The following HLTF variants were observed in gnomAD, a reference collection of about 807,000 sequenced individuals.
HLTF encodes helicase like transcription factor, also known as DNA-dependent ATPase/E3 ubiquitin-protein ligase HLTF.
A neutral mutation model predicts 129.4 loss-of-function variants in HLTF; 127 were observed. The observed-to-expected ratio is 0.98, with a 90% confidence interval of 0.85 to 1.14. The LOEUF (loss-of-function observed/expected upper bound fraction) is 1.14, where lower values mean the gene tolerates loss of function less well. Ranked by LOEUF, HLTF falls within the 50% of genes most tolerant of loss-of-function variation. HLTF has a pLI of 0.00. For synonymous variants in HLTF, 332 were observed against 388.8 expected (o/e 0.85, Z 1.72); for missense variants, 1,139 against 1,187.1 (o/e 0.96, Z 0.60).
chr3:149,055,199 G>C, intron 14 of HLTF, 104 bp downstream of exon 14: 1 of 719,678 alleles, frequency 1.4e-6, no homozygotes. Context: ...ACGAACTGAT[G>C]ACCAAGTATA....
chr3:149,077,545 G>A (rs1719483388), intron 2 of HLTF, among the ~76,000 whole-genome samples: 1 of 151,876 alleles, frequency 6.6e-6, no homozygotes, highest in Non-Finnish European at 1.5e-5. Context: ...ACCTGAGGCA[G>A]TGGATAACAG....
At chr3:149,064,657 T>C in intron 9 of HLTF, 134 bp downstream of exon 9, 1 of 573,972 alleles carries the variant, frequency 1.7e-6, no homozygotes, top group Non-Finnish European at 3.1e-6. Context: ...AAAGAGATCC[T>C]AAATTTTTGT....
At chr3:149,064,095 A>G (rs1245186933) in intron 9 of HLTF, among the ~76,000 whole-genome samples, 1 of 152,058 alleles carries the variant, frequency 6.6e-6, no homozygotes, top group Non-Finnish European at 1.5e-5. Flanking sequence ...CCACTCATTT[A>G]TCTATACTTT....
chr3:149,075,648 A>C (rs16861399), intron 3 of HLTF, among the ~76,000 whole-genome samples: 2,740 of 152,334 alleles, frequency 0.018, 87 homozygotes, highest in African/African-American at 0.062. Flanking sequence ...ATTTGAACCA[A>C]GGTCTATTTT....
At chr3:149,084,592 T>C (rs1720176304) in intron 2 of HLTF, 90 bp downstream of exon 2, 3 of 908,874 alleles carry the variant, frequency 3.3e-6, no homozygotes, top group East Asian at 2.6e-5. Flanking sequence ...AAAATAAAGA[T>C]TAACCGCACA....
chr3:149,076,083 A>C (rs1394795471), intron 2 of HLTF, 36 bp from the exon 3 acceptor site: 1 of 807,484 alleles, frequency 1.2e-6, no homozygotes, highest in Non-Finnish European at 1.9e-6. Flanking sequence ...ATTACATTAT[A>C]AATAATAGAC....
At chr3:149,076,742 T>C (rs1309705505) in intron 2 of HLTF, among the ~76,000 whole-genome samples, 4 of 152,054 alleles carry the variant, frequency 2.6e-5, no homozygotes, top group Non-Finnish European at 5.9e-5. Context: ...TGAAGGAGGG[T>C]AACACAATAA....
At chr3:149,043,668 C>T (rs1265543929) in intron 18 of HLTF, among the ~76,000 whole-genome samples, 1 of 151,866 alleles carries the variant, frequency 6.6e-6, no homozygotes, top group African/African-American at 2.4e-5. Context: ...TATAACCAGG[C>T]CATCTGATAT....
intron 10 of HLTF, 73 bp from the exon 11 acceptor site, chr3:149,060,931 A>G (rs1161684235): frequency 3.0e-6 from 3 of 994,328 alleles, no homozygotes; most frequent in Non-Finnish European, 4.5e-6. Context: ...CATGTTTAAT[A>G]AATGCAATAA....
At chr3:149,084,596 C>T in intron 2 of HLTF, 86 bp downstream of exon 2, 4 of 931,634 alleles carry the variant, frequency 4.3e-6, no homozygotes, top group East Asian at 2.6e-5. Flanking sequence ...TAAAGATTAA[C>T]CGCACACATC....
intron 14 of HLTF, among the ~76,000 whole-genome samples, chr3:149,054,838 C>T (rs923683848): frequency 6.6e-6 from 1 of 152,120 alleles, no homozygotes; most frequent in African/African-American, 2.4e-5. Flanking sequence ...CCTGGAAAAT[C>T]AGGGTAACAG....
chr3:149,064,271 T>C lies in HLTF; in HGVS notation c.1066+520A>G, dbSNP rs180838374. Reference sequence around the variant, plus strand: ...TTCCAAACTTAAGTAATAGCACCAATTGTTATTTACAATTTTTCACCTACT... The same window carrying C: ...TTCCAAACTTAAGTAATAGCACCAACTGTTATTTACAATTTTTCACCTACT... On this transcript the variant is annotated intron_variant, in intron 9 of 24. Transcript: ENST00000310053. Among the ~76,000 whole-genome samples the C allele has an allele frequency of 2.0e-5, 3 of 152,160 alleles. No individual in the cohort carries two copies. In the South Asian group the frequency reaches 6.2e-4, roughly 32 times the overall value.
At chr3:149,051,374 T>G (rs1245725498) in intron 14 of HLTF, among the ~76,000 whole-genome samples, 1 of 152,026 alleles carries the variant, frequency 6.6e-6, no homozygotes, top group African/African-American at 2.4e-5. Flanking sequence ...TACCTATAGA[T>G]AGAAGTGAGA....
intron 15 of HLTF, 40 bp downstream of exon 15, chr3:149,050,192 T>C (rs772851965): frequency 7.4e-7 from 1 of 1,348,102 alleles, no homozygotes. Context: ...TTTCTTACAT[T>C]CAATCTTTAA....
At chr3:149,058,676 A>C (rs1717675618) in intron 13 of HLTF, among the ~76,000 whole-genome samples, 1 of 152,172 alleles carries the variant, frequency 6.6e-6, no homozygotes, top group African/African-American at 2.4e-5. Context: ...TTTGTGTCTT[A>C]CTAAAGAGAT....
At chr3:149,058,825 TTC>T (rs1717686008) in intron 13 of HLTF, among the ~76,000 whole-genome samples, 1 of 152,212 alleles carries the variant, frequency 6.6e-6, no homozygotes, top group African/African-American at 2.4e-5. Context: ...TTTGAAAATG[TTC>T]TCTCTTGTAT....
At chr3:149,078,632 C>T (rs1037744594) in intron 2 of HLTF, among the ~76,000 whole-genome samples, 3 of 151,932 alleles carry the variant, frequency 2.0e-5, no homozygotes, top group Admixed American at 1.3e-4. Flanking sequence ...CCGAGGTGGG[C>T]GGATCACGAG....
At position 149,049,054 on chromosome 3, in the gene HLTF, T is replaced by G. The variant is rs1486087949; in HGVS notation, c.1618-53A>C. 3.3e-6 allele frequency: 4 copies of G among 1,229,494 alleles called. No homozygotes were observed. In the East Asian group the frequency reaches 7.2e-5, roughly 22 times the overall value. The allele number at this position is 1,229,494 out of a possible 1,614,324, so 76.2% of individuals were successfully genotyped here. A position where few individuals can be genotyped will look rare whatever the true frequency, so the allele number is the denominator to read the frequency against. On this transcript the variant is annotated intron_variant, in intron 15 of 24. Transcript: ENST00000310053. ...AAAACACAGGAAAGTAAAATAGTACTTAATATGATTTGCTAACTAGTTGTT... is the reference window on the plus strand; with the variant it reads ...AAAACACAGGAAAGTAAAATAGTACGTAATATGATTTGCTAACTAGTTGTT...
At position 149,048,954 on chromosome 3, in the gene HLTF, G is replaced by A. The variant is rs1248216779; in HGVS notation, c.1665C>T (p.Ile555=). ...TTCGTATGGCATGTCCTTCATCCAG[G>A]ATCACTCTTAGCCACCTTATGCTAT... The part of the protein sequence containing the change: ...PLHSIRWLRV[I]LDEGHAIRNP... The change falls in exon 16 of 25, where the codon ATC becomes ATT. Residue 555 remains isoleucine, a synonymous_variant. Coordinates refer to ENST00000310053, the MANE Select transcript of HLTF (RefSeq NM_003071.4). 6 of 1,609,146 alleles carry A rather than the reference G, an allele frequency of 3.7e-6. No individual in the cohort carries two copies. Among genetic ancestry groups the A allele is most frequent in the African/African-American group, 1.3e-5 (1 of 74,698 alleles).
Sources: gnomAD v4.1 joint callset for allele counts (sites outside exome capture counted in the v4.1 genomes callset) on GRCh38, gnomAD v4.1.1 for gene constraint, MANE v1.5 for transcripts, NCBI Gene and HGNC (gene_info 2026-07-23, HGNC 2026-07-21) for gene names.